ARHGEF10L: variants seen among roughly 807,000 people sequenced by gnomAD.
ARHGEF10L encodes the protein Rho guanine nucleotide exchange factor 10 like.
Under a neutral mutation model 141.2 loss-of-function variants are expected in ARHGEF10L, and 69 were observed. That is an observed-to-expected ratio of 0.49 (90% CI 0.40 to 0.60). ARHGEF10L has a LOEUF of 0.60. Ranked by LOEUF, ARHGEF10L falls within the 20% of genes least tolerant of loss-of-function variation. The probability of loss-of-function intolerance (pLI) is 0.00; values close to 1 mark genes in which losing one functional copy is unlikely to be tolerated. For synonymous variants in ARHGEF10L, 711 were observed against 718.5 expected, an observed-to-expected ratio of 0.99 and a Z score of 0.17; for missense variants, 1,482 against 1,734.3, an observed-to-expected ratio of 0.85 and a Z score of 2.58.
At chr1:17,613,559 A>G (rs752297592) in intron 8 of ARHGEF10L, among the ~76,000 whole-genome samples, 2 of 152,198 alleles carry the variant, frequency 1.3e-5, no homozygotes, top group South Asian at 2.1e-4. Context: ...AGGCTCAGGA[A>G]TCTGCACATT....
chr1:17,574,573 G>A lies in ARHGEF10L; in HGVS notation c.-43-5980G>A, dbSNP rs4920377. ...GGAGGCGCAGAGGGCTGCCTGCTTC[G>A]GAGTGGGGCTGCTGGAGAGCAGAGG... On this transcript the variant is annotated intron_variant, in intron 1 of 28. Coordinates refer to ENST00000361221, the MANE Select transcript of ARHGEF10L (RefSeq NM_018125.4). Among the ~76,000 whole-genome samples the A allele has an allele frequency of 2.1e-3, 318 of 152,338 alleles. 3 individuals are homozygous for A. Among genetic ancestry groups the A allele is most frequent in the Admixed American group, 0.018 (268 of 15,308 alleles).
intron 4 of ARHGEF10L, among the ~76,000 whole-genome samples, chr1:17,590,781 T>G (rs1226968347): frequency 1.3e-5 from 2 of 150,946 alleles, no homozygotes; most frequent in South Asian, 2.1e-4. Context: ...AGGTCAGGAG[T>G]TCAAGACCCA....
At position 17,573,537 on chromosome 1, in the gene ARHGEF10L, C is replaced by T. The variant is rs563578238; in HGVS notation, c.-43-7016C>T. 5.9e-5 allele frequency among the ~76,000 whole-genome samples: 9 copies of T among 152,084 alleles called. No individual in the cohort carries two copies. Among genetic ancestry groups the T allele is most frequent in the African/African-American group, 1.2e-4 (5 of 41,480 alleles). Reference sequence around the variant, plus strand: ...CTTCACTCCTTCTGCTGGGCTGGATCGCCGGGGACAAAGGGGTTAATGTGT... The same window carrying T: ...CTTCACTCCTTCTGCTGGGCTGGATTGCCGGGGACAAAGGGGTTAATGTGT... On this transcript the variant is annotated intron_variant, in intron 1 of 28. Coordinates refer to ENST00000361221, the MANE Select transcript of ARHGEF10L (RefSeq NM_018125.4). The surrounding 1 kb of genome is among the most constrained non-coding windows in gnomAD (Gnocchi z 4.8).
chr1:17,546,767 G>A (rs1398407304), intron 1 of ARHGEF10L, among the ~76,000 whole-genome samples: 1 of 152,162 alleles, frequency 6.6e-6, no homozygotes, highest in Non-Finnish European at 1.5e-5. Flanking sequence ...TGGCTCAGGG[G>A]CAAGGATGAG....
upstream of ARHGEF10L, among the ~76,000 whole-genome samples, chr1:17,538,033 C>T (rs930799974): frequency 6.6e-6 from 1 of 151,820 alleles, no homozygotes; most frequent in Non-Finnish European, 1.5e-5. Context: ...CTGATTGTGC[C>T]AGCCTGAGCC....
intron 26 of ARHGEF10L, among the ~76,000 whole-genome samples, chr1:17,685,841 A>G (rs1015894531): frequency 7.9e-5 from 12 of 152,258 alleles, no homozygotes; most frequent in Non-Finnish European, 1.8e-4. Context: ...TGAAGCTGCC[A>G]AGGAAGTCAG....
chr1:17,629,100 A>C lies in ARHGEF10L; in HGVS notation c.1584+1597A>C, dbSNP rs143211280. Among the ~76,000 whole-genome samples, 798 of 152,268 alleles carry C rather than the reference A, an allele frequency of 5.2e-3. 12 individuals carry two copies. Among genetic ancestry groups the C allele is most frequent in the South Asian group, 0.022 (105 of 4,822 alleles). ...CAGTGGTACAATAACGGCTCACTGC[A>C]GCCTTGAGCTCCTGGGCTCAAGTGA... On this transcript the variant is annotated intron_variant, in intron 15 of 28. Transcript: ENST00000361221.
the ARHGEF10L span, among the ~76,000 whole-genome samples, chr1:17,518,899 G>C: frequency 6.6e-6 from 1 of 151,994 alleles, no homozygotes; most frequent in African/African-American, 2.4e-5. Flanking sequence ...GCCAGGTGCA[G>C]TGGCTCACAC....
At chr1:17,685,532 G>A (rs2064499330) in intron 26 of ARHGEF10L, among the ~76,000 whole-genome samples, 1 of 152,220 alleles carries the variant, frequency 6.6e-6, no homozygotes, top group African/African-American at 2.4e-5. Flanking sequence ...CCTGACCCCA[G>A]TCTTAATGGC....
rs1347871165 is a variant in ARHGEF10L at position 17,639,823 on chromosome 1, TC to T, written c.2172-376del. The T allele has an allele frequency of 1.4e-5, 18 of 1,329,226 alleles. No homozygotes were observed. In the East Asian group the frequency reaches 3.8e-4, roughly 28 times the overall value. The allele number at this position is 1,329,226 out of a possible 1,614,324, so 82.3% of individuals were successfully genotyped here. The stretch of plus-strand genomic sequence containing the variant: ...AACAGACCCAAGTGAGACCCATTCC[TC>T]CCTCTAGAGGCACGTGGTCAGACAT... On this transcript the variant is annotated intron_variant, in intron 20 of 28. Transcript: ENST00000361221. This position sits in a 1 kb window ranked among gnomAD's most constrained non-coding sequence, Gnocchi z 4.3.
At chr1:17,581,237 G>C (rs2078519501) in intron 2 of ARHGEF10L, among the ~76,000 whole-genome samples, 1 of 149,342 alleles carries the variant, frequency 6.7e-6, no homozygotes, top group Admixed American at 6.7e-5. Context: ...GCTTGAACCT[G>C]GGAGATGGAG....
chr1:17,523,309 G>A, the ARHGEF10L span, among the ~76,000 whole-genome samples: 2 of 151,918 alleles, frequency 1.3e-5, no homozygotes, highest in East Asian at 1.9e-4. Flanking sequence ...GGCTGGTCTC[G>A]AACTCCTGGC....
chr1:17,577,328 G>A (rs779257592), intron 1 of ARHGEF10L, among the ~76,000 whole-genome samples: 3 of 152,230 alleles, frequency 2.0e-5, no homozygotes, highest in Non-Finnish European at 4.4e-5. Flanking sequence ...TTACAGGCAT[G>A]AGCCACCATG....
chr1:17,521,875 C>G, the ARHGEF10L span, among the ~76,000 whole-genome samples: 2 of 151,914 alleles, frequency 1.3e-5, no homozygotes, highest in African/African-American at 4.8e-5. Context: ...GACTGTGTGA[C>G]GCTCTGGCTG....
At chr1:17,534,959 G>T (rs2076554276), upstream of ARHGEF10L, among the ~76,000 whole-genome samples, 1 of 152,194 alleles carries the variant, frequency 6.6e-6, no homozygotes, top group Admixed American at 6.5e-5. Context: ...TCGGGGATGT[G>T]GAAGACAATT....
intron 6 of ARHGEF10L, among the ~76,000 whole-genome samples, chr1:17,605,206 C>A (rs1413293099): frequency 6.6e-6 from 1 of 152,164 alleles, no homozygotes; most frequent in East Asian, 1.9e-4. Flanking sequence ...GAGAGGAGCT[C>A]GGGCCAGCTC....
intron 7 of ARHGEF10L, among the ~76,000 whole-genome samples, chr1:17,609,407 C>T (rs887222539): frequency 5.3e-5 from 8 of 152,158 alleles, no homozygotes; most frequent in Admixed American, 2.0e-4. Context: ...AGCCAAAAAG[C>T]GAAGCATTTA....
At chr1:17,594,475 C>T (rs2079886284) in intron 4 of ARHGEF10L, among the ~76,000 whole-genome samples, 1 of 152,112 alleles carries the variant, frequency 6.6e-6, no homozygotes, top group African/African-American at 2.4e-5. Flanking sequence ...GCCTAACCCT[C>T]AGTTTCTTTT....
chr1:17,697,571 C>T lies in ARHGEF10L; in HGVS notation c.*191C>T, dbSNP rs779734746. 8.0e-6 allele frequency: 6 copies of T among 748,112 alleles called. 1 individual carries two copies. The African/African-American group carries it at 1.1e-4, about 13-fold the overall frequency. 46.3% of individuals were successfully genotyped at this position (748,112 alleles called of 1,614,324 possible). A position where few individuals can be genotyped will look rare whatever the true frequency, so the allele number is the denominator to read the frequency against. On this transcript the variant is annotated 3_prime_UTR_variant, in exon 29 of 29. Transcript: ENST00000361221. This position sits in a 1 kb window ranked among gnomAD's most constrained non-coding sequence, Gnocchi z 4.8. ...AGTGTTTTGGGGAGGAGTTTTAGGG[C>T]TTGGGGAGAGGGAGGACACATCTGG...
Sources: allele counts gnomAD v4.1 joint callset (sites outside exome capture counted in the v4.1 genomes callset), GRCh38; gene constraint gnomAD v4.1.1; non-coding constraint Gnocchi (gnomAD v3.1); transcripts MANE v1.5; gene names NCBI Gene and HGNC (gene_info 2026-07-23, HGNC 2026-07-21).